LRRFIP1: variants seen among roughly 807,000 people sequenced by gnomAD.
LRRFIP1 encodes leucine-rich repeat flightless-interacting protein 1.
LRRFIP1 carries 62 observed loss-of-function variants against 104.4 expected under a neutral mutation model. That is an observed-to-expected ratio of 0.59 (90% CI 0.48 to 0.73). The LOEUF is 0.73. Ranked by LOEUF, LRRFIP1 falls within the 30% of genes least tolerant of loss-of-function variation. The pLI is 0.00. For synonymous variants in LRRFIP1, 300 were observed against 299.0 expected (o/e 1.00, Z -0.03); for missense variants, 796 against 824.5 (o/e 0.97, Z 0.42).
chr2:237,762,721 C>T, intron 19 of LRRFIP1: 1 of 1,614,178 alleles, frequency 6.2e-7, no homozygotes, highest in Non-Finnish European at 8.5e-7. Context: ...ACTGTGTGGA[C>T]ATAGAGGTAT....
intron 13 of LRRFIP1, 54 bp from the exon 14 acceptor site, chr2:237,751,146 G>A: frequency 4.8e-6 from 6 of 1,256,312 alleles, no homozygotes; most frequent in Admixed American, 4.1e-5. Flanking sequence ...AAAAGATTTA[G>A]GGAATCACCT....
rs374878439 is a variant in LRRFIP1 at position 237,739,167 on chromosome 2, T to G, written c.556-65T>G. ...GTTTTCTGTCGGCCTCTATTCTCCT[T>G]GCTCCTTTGCTGACCCTGTTCCTTT... On this transcript the variant is annotated intron_variant, in intron 10 of 23. Coordinates refer to ENST00000308482, the MANE Select transcript of LRRFIP1 (RefSeq NM_001137550.2). 2.6e-4 allele frequency: 372 copies of G among 1,421,284 alleles called. 5 individuals are homozygous for G. In the South Asian group the frequency reaches 4.3e-3, roughly 16 times the overall value. 88.0% of individuals were successfully genotyped at this position (1,421,284 alleles called of 1,614,324 possible).
intron 19 of LRRFIP1, chr2:237,769,280 C>CT (rs1314461914): frequency 1.3e-5 from 2 of 152,382 alleles, no homozygotes; most frequent in Non-Finnish European, 2.9e-5. Flanking sequence ...TCTGAAGACT[C>CT]TAATACTTGA....
At chr2:237,644,444 C>T (rs547353184) in intron 1 of LRRFIP1, among the ~76,000 whole-genome samples, 6 of 152,290 alleles carry the variant, frequency 3.9e-5, no homozygotes, top group South Asian at 2.1e-4. Context: ...CTCACCTAAG[C>T]GCCATGCTCC....
rs2087931041 is a variant in LRRFIP1, at chr2:237,661,452, C to T, written c.96+33712C>T. Among the ~76,000 whole-genome samples, 1 of 152,182 alleles carries T rather than the reference C, an allele frequency of 6.6e-6. No homozygotes were observed. ...TGTTCCCCAAAGCCCTCCAGCTGGC[C>T]GGGCTGCCCTCCCCAGACTCCCTCC... is the stretch of plus-strand genomic sequence containing the variant. On this transcript the variant is annotated intron_variant, in intron 1 of 23. Transcript: ENST00000308482. The surrounding 1 kb of genome is among the most constrained non-coding windows in gnomAD (Gnocchi z 4.4).
Position 237,703,087 on chromosome 2 carries a change from C to A in LRRFIP1, c.97-5457C>A, listed in dbSNP as rs553540099. On this transcript the variant is annotated intron_variant, in intron 1 of 23. Transcript: ENST00000308482. This position sits in a 1 kb window ranked among gnomAD's most constrained non-coding sequence, Gnocchi z 4.3. ...TGGGGACAGACCAGCCCCCATGAAC[C>A]CTAGCGAGGGCCATGCCAAGAAGCC... Among the ~76,000 whole-genome samples the A allele has an allele frequency of 1.3e-5, 2 of 152,270 alleles. No individual in the cohort carries two copies. Among genetic ancestry groups the A allele is most frequent in the Admixed American group, 1.3e-4 (2 of 15,296 alleles).
At chr2:237,638,604 G>A (rs2083436264) in intron 1 of LRRFIP1, among the ~76,000 whole-genome samples, 1 of 152,202 alleles carries the variant, frequency 6.6e-6, no homozygotes, top group Admixed American at 6.5e-5. Flanking sequence ...CTGTGTCTGT[G>A]CAGTGCACTG....
chr2:237,693,624 C>T (rs1333152707), intron 1 of LRRFIP1, among the ~76,000 whole-genome samples: 5 of 152,124 alleles, frequency 3.3e-5, no homozygotes, highest in African/African-American at 1.2e-4. Flanking sequence ...GAATCACCAT[C>T]AGGGAAGGGT....
At chr2:237,674,918 C>T (rs993390000) in intron 1 of LRRFIP1, among the ~76,000 whole-genome samples, 20 of 152,270 alleles carry the variant, frequency 1.3e-4, no homozygotes, top group African/African-American at 2.4e-5. Context: ...CCCTCCCTTC[C>T]TTGCTGCAGG....
At chr2:237,637,438 A>G (rs944381565) in intron 1 of LRRFIP1, among the ~76,000 whole-genome samples, 8 of 152,244 alleles carry the variant, frequency 5.3e-5, no homozygotes, top group Non-Finnish European at 1.2e-4. Context: ...ACTGCACGCC[A>G]TCCTGGGCAG....
rs544179438 is a variant in LRRFIP1, at chr2:237,717,899, G to A, written c.249+90G>A. 237 of 1,012,352 alleles carry A rather than the reference G, an allele frequency of 2.3e-4. 2 individuals carry two copies. The Middle Eastern group carries it at 5.5e-3, about 23-fold the overall frequency. 62.7% of individuals were successfully genotyped at this position (1,012,352 alleles called of 1,614,324 possible). A position where few individuals can be genotyped will look rare whatever the true frequency, so the allele number is the denominator to read the frequency against. ...AAATGGTTTATAATGTAATTCTTAC[G>A]CAGTTTAACTATGTAGATAGATTCC... On this transcript the variant is annotated intron_variant, in intron 4 of 23. Transcript: ENST00000308482. This position sits in a 1 kb window ranked among gnomAD's most constrained non-coding sequence, Gnocchi z 4.2.
At chr2:237,733,679 T>C (rs2095114298) in intron 8 of LRRFIP1, 95 bp from the exon 9 acceptor site, 1 of 1,220,212 alleles carries the variant, frequency 8.2e-7, no homozygotes, top group Admixed American at 1.7e-5. Flanking sequence ...CAGTTGGCTA[T>C]GGTGAATGCT....
chr2:237,628,546 A>AGGTT (rs1354249306), intron 1 of LRRFIP1, among the ~76,000 whole-genome samples: 1 of 152,176 alleles, frequency 6.6e-6, no homozygotes, highest in African/African-American at 2.4e-5. Context: ...GGGAGCCAAT[A>AGGTT]GGTTGCGGCC....
At chr2:237,727,792 C>A in intron 7 of LRRFIP1, 84 bp from the exon 8 acceptor site, 1 of 962,610 alleles carries the variant, frequency 1.0e-6, no homozygotes. Flanking sequence ...CACCTTATAC[C>A]TGGCTGGTTG....
chr2:237,762,391 T>C (rs1439971247), intron 19 of LRRFIP1, among the ~76,000 whole-genome samples: 2 of 152,234 alleles, frequency 1.3e-5, no homozygotes, highest in Admixed American at 1.3e-4. Flanking sequence ...GCCTTTGATG[T>C]GGTGGCAGTG....
At chr2:237,690,620 C>T (rs1305414996) in intron 1 of LRRFIP1, among the ~76,000 whole-genome samples, 2 of 151,696 alleles carry the variant, frequency 1.3e-5, no homozygotes, top group Non-Finnish European at 2.9e-5. Context: ...GCCTGTAATC[C>T]CACCTACTCG....
intron 1 of LRRFIP1, among the ~76,000 whole-genome samples, chr2:237,669,733 C>T (rs888525230): frequency 7.2e-5 from 11 of 152,082 alleles, no homozygotes; most frequent in African/African-American, 2.4e-4. Context: ...GCCTCCACCC[C>T]GGGTAAATGC....
intron 10 of LRRFIP1, among the ~76,000 whole-genome samples, chr2:237,736,783 TGA>T (rs2095262407): frequency 6.6e-6 from 1 of 152,188 alleles, no homozygotes; most frequent in Admixed American, 6.5e-5. Context: ...AGCTCTGCTG[TGA>T]GCAGGAAATT....
intron 1 of LRRFIP1, among the ~76,000 whole-genome samples, chr2:237,660,676 T>G (rs1039684764): frequency 3.9e-5 from 6 of 152,152 alleles, no homozygotes; most frequent in Non-Finnish European, 7.3e-5. Flanking sequence ...ACAAACAAAT[T>G]TGTCTGCCAT....
Sources: allele counts gnomAD v4.1 joint callset (sites outside exome capture counted in the v4.1 genomes callset), GRCh38; gene constraint gnomAD v4.1.1; non-coding constraint Gnocchi (gnomAD v3.1); transcripts MANE v1.5; gene names NCBI Gene and HGNC (gene_info 2026-07-23, HGNC 2026-07-21).